The following NBAS variants were observed in gnomAD, a reference collection of about 807,000 sequenced individuals.
The protein encoded by NBAS is NAG/BC035112 fusion.
NBAS carries 219 observed loss-of-function variants against 302.5 expected under a neutral mutation model. The ratio of observed to expected loss-of-function variants is 0.72; its 90% CI spans 0.65 to 0.81. The LOEUF is 0.81. Ranked by LOEUF, NBAS falls within the 30% of genes least tolerant of loss-of-function variation. NBAS has a pLI of 0.00. For missense variants in NBAS, 2,932 were observed against 2,841.6 expected (o/e 1.03, Z -0.72); for synonymous variants, 1,118 against 1,021.6 (o/e 1.09, Z -1.80).
chr2:14,861,647 T>C, the NBAS span, among the ~76,000 whole-genome samples: 1 of 152,372 alleles, frequency 6.6e-6, no homozygotes, highest in Non-Finnish European at 1.5e-5. Context: ...ATAATTTAAG[T>C]GTTCTATTAT....
intron 30 of NBAS, among the ~76,000 whole-genome samples, chr2:15,378,221 T>C (rs929968328): frequency 1.3e-5 from 2 of 152,134 alleles, no homozygotes; most frequent in African/African-American, 2.4e-5. Context: ...AGTATGTCTC[T>C]AGAAATGAAT....
At chr2:14,832,849 C>G in the NBAS span, among the ~76,000 whole-genome samples, 2 of 152,148 alleles carry the variant, frequency 1.3e-5, no homozygotes, top group Non-Finnish European at 1.5e-5. Context: ...TTGTGACAAG[C>G]AAAACTGTTT....
intron 21 of NBAS, among the ~76,000 whole-genome samples, chr2:15,428,772 G>T (rs1166235388): frequency 6.6e-6 from 1 of 152,042 alleles, no homozygotes; most frequent in East Asian, 1.9e-4. Flanking sequence ...GGCCAGGCGC[G>T]GTGGCTCACG....
the NBAS span, among the ~76,000 whole-genome samples, chr2:15,157,084 G>T: frequency 6.6e-6 from 1 of 152,100 alleles, no homozygotes; most frequent in African/African-American, 2.4e-5. Context: ...GAGGTCAATG[G>T]ATCCCATAGT....
chr2:15,068,369 G>T, the NBAS span, among the ~76,000 whole-genome samples: 1 of 152,158 alleles, frequency 6.6e-6, no homozygotes, highest in Non-Finnish European at 1.5e-5. Context: ...GTAGGAAGGA[G>T]GATATAAATT....
chr2:14,785,254 G>A, the NBAS span, among the ~76,000 whole-genome samples: 1 of 152,190 alleles, frequency 6.6e-6, no homozygotes, highest in Non-Finnish European at 1.5e-5. Flanking sequence ...ATACGATCAT[G>A]TCATCTGCAA....
chr2:14,970,821 C>G, the NBAS span, among the ~76,000 whole-genome samples: 13 of 152,332 alleles, frequency 8.5e-5, no homozygotes, highest in East Asian at 2.3e-3. Context: ...ACAATCAACC[C>G]TTTAGTAAAG....
the NBAS span, among the ~76,000 whole-genome samples, chr2:14,845,812 A>C: frequency 8.0e-3 from 1,216 of 152,268 alleles, 15 homozygotes; most frequent in African/African-American, 0.028. Context: ...GATTAAGTAG[A>C]AGAAAGAATT....
At chr2:15,395,959 A>C (rs1675845048) in intron 27 of NBAS, among the ~76,000 whole-genome samples, 1 of 152,146 alleles carries the variant, frequency 6.6e-6, no homozygotes, top group Non-Finnish European at 1.5e-5. Context: ...TTGACATAAT[A>C]CAAATAGTCA....
rs557174772 is a variant in NBAS, at chr2:15,205,565, A to T, written c.6432+13208T>A. ...TACGCTCAAAATAAAGGGGGAAAAA[A>T]AAGAGATATTCCATGCCAATGGAAA... On this transcript the variant is annotated intron_variant, in intron 48 of 51. Coordinates refer to ENST00000281513, the MANE Select transcript of NBAS (RefSeq NM_015909.4). 1.3e-4 allele frequency among the ~76,000 whole-genome samples: 20 copies of T among 152,294 alleles called. No individual in the cohort carries two copies. In the South Asian group the frequency reaches 3.9e-3, roughly 30 times the overall value.
chr2:15,526,351 GTT>G (rs1662912438), intron 9 of NBAS, among the ~76,000 whole-genome samples: 1 of 152,036 alleles, frequency 6.6e-6, no homozygotes, highest in South Asian at 2.1e-4. Flanking sequence ...TACCACCTCA[GTT>G]TCTCTTCTTC....
At chr2:15,199,181 C>T (rs1665764229) in intron 48 of NBAS, among the ~76,000 whole-genome samples, 1 of 142,480 alleles carries the variant, frequency 7.0e-6, no homozygotes, top group African/African-American at 2.6e-5. Flanking sequence ...GAAGAAACAA[C>T]TACGTCATAA....
intron 42 of NBAS, among the ~76,000 whole-genome samples, chr2:15,283,790 A>G (rs1477034610): frequency 7.2e-5 from 11 of 152,220 alleles, no homozygotes; most frequent in Non-Finnish European, 1.3e-4. Flanking sequence ...ACTCGAAAGG[A>G]TTAAGAAACA....
At chr2:14,950,664 T>C in the NBAS span, among the ~76,000 whole-genome samples, 3 of 152,082 alleles carry the variant, frequency 2.0e-5, no homozygotes, top group African/African-American at 4.8e-5. Flanking sequence ...GGCCCCAAGA[T>C]GATGGTAAGT....
chr2:14,784,186 C>G, the NBAS span, among the ~76,000 whole-genome samples: 1 of 151,854 alleles, frequency 6.6e-6, no homozygotes, highest in Non-Finnish European at 1.5e-5. Context: ...CTTGTAAATT[C>G]GTTTGAGTTC....
chr2:15,371,412 A>C (rs1674479710), intron 31 of NBAS, among the ~76,000 whole-genome samples: 1 of 152,252 alleles, frequency 6.6e-6, no homozygotes, highest in Non-Finnish European at 1.5e-5. Flanking sequence ...TGGAACATAA[A>C]AATCACTCAA....
chr2:14,786,260 T>C, the NBAS span, among the ~76,000 whole-genome samples: 1 of 152,110 alleles, frequency 6.6e-6, no homozygotes, highest in African/African-American at 2.4e-5. Flanking sequence ...TGTTGATCCT[T>C]TCAAAAAACC....
intron 51 of NBAS, 71 bp downstream of exon 51, chr2:15,178,917 G>A (rs984029396): frequency 6.3e-7 from 1 of 1,597,602 alleles, no homozygotes; most frequent in Non-Finnish European, 8.6e-7. Flanking sequence ...TTATGAGAAT[G>A]AAAGTGCTAA....
chr2:15,104,806 G>A, the NBAS span, among the ~76,000 whole-genome samples: 16 of 152,204 alleles, frequency 1.1e-4, no homozygotes, highest in Middle Eastern at 0.014. Context: ...GACCAGTGAC[G>A]ATGAGCTTTT....
Sources: allele counts gnomAD v4.1 joint callset (sites outside exome capture counted in the v4.1 genomes callset), GRCh38; gene constraint gnomAD v4.1.1; transcripts MANE v1.5; gene names NCBI Gene and HGNC (gene_info 2026-07-23, HGNC 2026-07-21).